Variants in ROBO2 observed in about 807,000 individuals in gnomAD.
ROBO2 encodes roundabout homolog 2.
ROBO2 carries 53 observed loss-of-function variants against 160.8 expected under a neutral mutation model. The ratio of observed to expected loss-of-function variants is 0.33; its 90% CI spans 0.26 to 0.41. The LOEUF is 0.41. Ranked by LOEUF, ROBO2 falls within the 10% of genes least tolerant of loss-of-function variation. The pLI is 1.00. For missense variants in ROBO2, 1,577 were observed against 1,722.4 expected (o/e 0.92, Z 1.49); for synonymous variants, 664 against 611.7 (o/e 1.09, Z -1.26).
intron 20 of ROBO2, among the ~76,000 whole-genome samples, chr3:77,607,202 C>A: frequency 6.6e-6 from 1 of 152,140 alleles, no homozygotes; most frequent in East Asian, 1.9e-4. Flanking sequence ...TAGCTAAGAA[C>A]TATTCACATA....
intron 2 of ROBO2, among the ~76,000 whole-genome samples, chr3:77,160,851 C>T (rs1358527810): frequency 9.9e-5 from 15 of 152,114 alleles, no homozygotes; most frequent in Non-Finnish European, 8.8e-5. Context: ...TAAAGTAAAA[C>T]ATAGAACTTG....
intron 2 of ROBO2, among the ~76,000 whole-genome samples, chr3:76,962,580 G>T (rs1467630524): frequency 8.0e-5 from 12 of 149,590 alleles, no homozygotes; most frequent in Non-Finnish European, 3.0e-5. Flanking sequence ...GGAGGTTGTG[G>T]TGAGCCAAGA....
chr3:75,956,118 C>T (rs1190987711), intron 2 of ROBO2, among the ~76,000 whole-genome samples: 2 of 151,718 alleles, frequency 1.3e-5, no homozygotes, highest in Non-Finnish European at 2.9e-5. Flanking sequence ...TCAAATTTAT[C>T]TATCTGCAGG....
chr3:77,174,024 G>A (rs2079892696), intron 2 of ROBO2, among the ~76,000 whole-genome samples: 1 of 152,054 alleles, frequency 6.6e-6, no homozygotes, highest in African/African-American at 2.4e-5. Flanking sequence ...TAGAAGAAAG[G>A]ATGGAAGTAA....
rs557910083 is a variant in ROBO2, at chr3:77,283,745, T to C, written c.388+185405T>C. 1.4e-4 allele frequency among the ~76,000 whole-genome samples: 22 copies of C among 152,278 alleles called. No individual in the cohort carries two copies. In the East Asian group the frequency reaches 4.1e-3, roughly 28 times the overall value. On this transcript the variant is annotated intron_variant, in intron 2 of 25. Coordinates refer to ENST00000461745, the Ensembl canonical transcript of ROBO2. ...AAGATGGTCCATATGGAAAATGAGA[T>C]TTTTAAAAAAGTTTAAGAGTAACTT... is the stretch of plus-strand genomic sequence containing the variant.
intron 2 of ROBO2, among the ~76,000 whole-genome samples, chr3:76,494,424 A>T (rs781357696): frequency 1.1e-4 from 17 of 152,184 alleles, no homozygotes; most frequent in Non-Finnish European, 2.1e-4. Context: ...TTTATACTCC[A>T]TTGATCAAAG....
At chr3:75,958,671 G>A (rs969069993) in intron 2 of ROBO2, among the ~76,000 whole-genome samples, 10 of 151,608 alleles carry the variant, frequency 6.6e-5, no homozygotes, top group African/African-American at 1.9e-4. Flanking sequence ...AAGTAGGTAG[G>A]ATTTTATTAT....
At chr3:77,016,451 G>A (rs1007021310) in intron 2 of ROBO2, among the ~76,000 whole-genome samples, 4 of 152,028 alleles carry the variant, frequency 2.6e-5, no homozygotes, top group South Asian at 2.1e-4. Context: ...ATCTTCGTAT[G>A]CATTGAAGAC....
chr3:77,497,261 A>C (rs951721149), intron 5 of ROBO2, among the ~76,000 whole-genome samples: 1 of 152,144 alleles, frequency 6.6e-6, no homozygotes, highest in South Asian at 2.1e-4. Context: ...ATTTCAATAC[A>C]TATGTGTTAG....
At chr3:76,743,429 CT>C (rs1489726354) in intron 2 of ROBO2, among the ~76,000 whole-genome samples, 2 of 152,038 alleles carry the variant, frequency 1.3e-5, no homozygotes, top group African/African-American at 4.8e-5. Flanking sequence ...ATTAACAAAC[CT>C]GTACATGTAC....
rs146302796 is a variant in ROBO2, at chr3:76,312,680, G to C, written c.109+375078G>C. Among the ~76,000 whole-genome samples, 509 of 152,322 alleles carry C rather than the reference G, an allele frequency of 3.3e-3. 6 individuals are homozygous for C. Among genetic ancestry groups the C allele is most frequent in the Admixed American group, 0.024 (370 of 15,292 alleles). On this transcript the variant is annotated intron_variant, in intron 2 of 26. Coordinates refer to the ROBO2 transcript ENST00000487694. ...TTAGCCTGCATGCTGGCCTTTAGTA[G>C]CTTAGGATTTAGCGATGTATGGTGT...
At chr3:77,167,185 A>T (rs981990051) in intron 2 of ROBO2, among the ~76,000 whole-genome samples, 1 of 152,070 alleles carries the variant, frequency 6.6e-6, no homozygotes, top group Non-Finnish European at 1.5e-5. Context: ...AAATTGTGTT[A>T]TTTATTTAAA....
intron 2 of ROBO2, among the ~76,000 whole-genome samples, chr3:76,843,239 C>G (rs2068459997): frequency 6.7e-6 from 1 of 149,704 alleles, no homozygotes; most frequent in Admixed American, 6.7e-5. Flanking sequence ...TATTTATTTG[C>G]TAAATGTAAT....
At chr3:76,576,444 C>A (rs2085294963) in intron 2 of ROBO2, among the ~76,000 whole-genome samples, 1 of 151,978 alleles carries the variant, frequency 6.6e-6, no homozygotes, top group South Asian at 2.1e-4. Context: ...AGCTTTAAAT[C>A]CAATCAGTTT....
intron 2 of ROBO2, among the ~76,000 whole-genome samples, chr3:76,792,872 C>T (rs1262580530): frequency 6.6e-6 from 1 of 151,736 alleles, no homozygotes; most frequent in Non-Finnish European, 1.5e-5. Context: ...ATGCATGGCA[C>T]TCTCATATGT....
At chr3:76,706,313 C>T (rs1192877512) in intron 2 of ROBO2, among the ~76,000 whole-genome samples, 1 of 151,994 alleles carries the variant, frequency 6.6e-6, no homozygotes, top group African/African-American at 2.4e-5. Flanking sequence ...TAAATATTTG[C>T]ATTTTAAAAG....
At chr3:76,343,839 G>A (rs2074373609) in intron 2 of ROBO2, among the ~76,000 whole-genome samples, 1 of 152,016 alleles carries the variant, frequency 6.6e-6, no homozygotes, top group Non-Finnish European at 1.5e-5. Flanking sequence ...GATATTTGGT[G>A]AGGATTTAAT....
chr3:76,651,275 C>T (rs2091245333), intron 2 of ROBO2, among the ~76,000 whole-genome samples: 1 of 152,076 alleles, frequency 6.6e-6, no homozygotes. Flanking sequence ...GGTTCTAGCT[C>T]TAAGCGTCCG....
intron 2 of ROBO2, among the ~76,000 whole-genome samples, chr3:77,236,180 G>A (rs2087942468): frequency 6.6e-6 from 1 of 152,106 alleles, no homozygotes; most frequent in African/African-American, 2.4e-5. Flanking sequence ...GGAAAGTAGG[G>A]GCAACTTAAA....
Sources: allele counts gnomAD v4.1 joint callset (sites outside exome capture counted in the v4.1 genomes callset), GRCh38; gene constraint gnomAD v4.1.1; transcripts MANE v1.5; gene names NCBI Gene and HGNC (gene_info 2026-07-23, HGNC 2026-07-21).